Variants in THAP12 observed in about 807,000 individuals in gnomAD.
The protein encoded by THAP12 is THAP domain containing 12.
THAP12 carries 20 observed loss-of-function variants against 63.0 expected under a neutral mutation model. The observed-to-expected ratio is 0.32, with a 90% confidence interval of 0.22 to 0.46. THAP12 has a LOEUF of 0.46. Ranked by LOEUF, THAP12 falls within the 20% of genes least tolerant of loss-of-function variation. The pLI, the probability that THAP12 is intolerant of heterozygous loss-of-function variation, is 1.00. For missense variants in THAP12, 568 were observed against 908.2 expected, an observed-to-expected ratio of 0.63 and a Z score of 4.81; for synonymous variants, 264 against 328.4, an observed-to-expected ratio of 0.80 and a Z score of 2.12.
chr11:76,362,885 T>G (rs1430382352), intron 2 of THAP12, among the ~76,000 whole-genome samples: 1 of 152,236 alleles, frequency 6.6e-6, no homozygotes, highest in Non-Finnish European at 1.5e-5. Flanking sequence ...CTCACACCTG[T>G]AATTCCAACA....
chr11:76,356,633 T>C (rs1028155889), intron 3 of THAP12: 1 of 152,248 alleles, frequency 6.6e-6, no homozygotes, highest in Admixed American at 6.5e-5. Context: ...AGACTTTTTT[T>C]CTCATTCTTC....
At position 76,355,629 on chromosome 11, in the gene THAP12, T is replaced by C; in HGVS notation, c.344A>G (p.Lys115Arg). ...ELSEDEIRTL[K>R]QKKIDETSEQ... ...ACACTATCACTTACTTTTTTTCTGT[T>C]TCAGTGTCCTGATTTCATCTTCACT... Residue 115 changes from lysine (K) to arginine (R), a missense_variant, in exon 4 of 5, where the codon AAA becomes AGA. Transcript: ENST00000260045. The C allele has an allele frequency of 1.3e-6, 2 of 1,596,788 alleles. No individual in the cohort carries two copies.
At chr11:76,375,680 T>C (rs534057705) in intron 1 of THAP12, among the ~76,000 whole-genome samples, 1 of 139,658 alleles carries the variant, frequency 7.2e-6, no homozygotes, top group African/African-American at 2.7e-5. Context: ...ATGTTAGCAT[T>C]TGAAGACTAG....
At chr11:76,370,452 T>G (rs1682765081) in intron 1 of THAP12, among the ~76,000 whole-genome samples, 1 of 151,574 alleles carries the variant, frequency 6.6e-6, no homozygotes, top group South Asian at 2.1e-4. Context: ...AGCCTCCATC[T>G]CCTGGGTTCA....
At chr11:76,363,658 G>A (rs1348683936) in intron 2 of THAP12, among the ~76,000 whole-genome samples, 1 of 152,136 alleles carries the variant, frequency 6.6e-6, no homozygotes, top group Admixed American at 6.5e-5. Context: ...GCACAATCTT[G>A]GCTCACTGCA....
At chr11:76,375,230 G>A (rs1292454991) in intron 1 of THAP12, among the ~76,000 whole-genome samples, 1 of 152,094 alleles carries the variant, frequency 6.6e-6, no homozygotes, top group Non-Finnish European at 1.5e-5. Context: ...GCTGCCTGAG[G>A]AGGAAGAAGA....
chr11:76,369,120 G>T (rs1946652739), intron 1 of THAP12, among the ~76,000 whole-genome samples: 1 of 151,858 alleles, frequency 6.6e-6, no homozygotes, highest in Admixed American at 6.6e-5. Flanking sequence ...TATAAAAATG[G>T]CAATACATAG....
Position 76,365,974 on chromosome 11 carries a change from T to C in THAP12, c.90-2A>G, listed in dbSNP as rs749732995. The C allele has an allele frequency of 6.2e-7, 1 of 1,609,404 alleles. No homozygotes were observed. The highest frequency in any genetic ancestry group is 1.1e-5 in the South Asian group (1 of 89,930). ...CAGTTCTCCACCCACTTCTGGCATC[T>C]ATAAATAAAACCAAAATACAATTAT... On this transcript the variant is annotated splice_acceptor_variant, in intron 1 of 4. Transcript: ENST00000260045. LOFTEE classifies it high-confidence loss of function.
Position 76,380,782 on chromosome 11 carries a change from A to C in THAP12, c.55T>G (p.Leu19Val). The C allele has an allele frequency of 6.8e-7, 1 of 1,467,692 alleles. No individual in the cohort carries two copies. The highest frequency in any genetic ancestry group is 9.1e-7 in the Non-Finnish European group (1 of 1,104,366). 90.9% of individuals were successfully genotyped at this position (1,467,692 alleles called of 1,614,324 possible). Residue 19 changes from leucine to valine, a missense_variant, in exon 1 of 5, where the codon TTG becomes GTG. Leu to Val is a conservative substitution (Grantham distance 32). Coordinates refer to ENST00000260045, the MANE Select transcript of THAP12 (RefSeq NM_004705.4). ...TCCCGCGGGAACCTGAAGAAGGCCA[A>C]GTCGGACTGCGTGCTCTTCCGCGTG... Reference protein sequence around the residue: ...NCTRKSTQSDLAFFRFPRDPA... With the variant: ...NCTRKSTQSDVAFFRFPRDPA...
In THAP12 at chr11:76,350,842, A is replaced by C. The variant is rs981353500; in HGVS notation, c.*22T>G. 4 of 1,508,958 alleles carry C rather than the reference A, an allele frequency of 2.7e-6. No homozygotes were observed. The Admixed American group carries it at 7.1e-5, about 27-fold the overall frequency. 93.5% of individuals were successfully genotyped at this position (1,508,958 alleles called of 1,614,324 possible). The stretch of plus-strand genomic sequence containing the variant: ...TTTTCTTCCAAATATCAAATATAAG[A>C]AAGCCTATTTTTAAAAGTCTCTTAG... On this transcript the variant is annotated 3_prime_UTR_variant, in exon 5 of 5. Coordinates refer to ENST00000260045, the MANE Select transcript of THAP12 (RefSeq NM_004705.4).
Position 76,351,931 on chromosome 11 carries a change from C to T in THAP12, c.1219G>A (p.Val407Ile). The change falls in exon 5 of 5, where the codon GTT (valine) becomes ATT (isoleucine). Residue 407 changes from valine to isoleucine, a missense_variant. Transcript: ENST00000260045. ...CTTTCTTTACTGTTCTGAAAAAGAA[C>T]AGAAATTACGTTGTCAAGTTCTAAA... is the stretch of plus-strand genomic sequence containing the variant. ...LLLELDNVIS[V>I]LFQNSKERGK... 3 of 1,596,544 alleles carry T rather than the reference C, an allele frequency of 1.9e-6. No homozygotes were observed. The highest frequency in any genetic ancestry group is 1.1e-5 in the South Asian group (1 of 87,628).
intron 1 of THAP12, among the ~76,000 whole-genome samples, chr11:76,376,173 T>C (rs970016741): frequency 4.6e-5 from 7 of 152,226 alleles, no homozygotes; most frequent in Non-Finnish European, 7.3e-5. Flanking sequence ...CGCCACTGAA[T>C]TGCACACTTA....
intron 1 of THAP12, among the ~76,000 whole-genome samples, chr11:76,370,776 C>T (rs1946667653): frequency 6.7e-6 from 1 of 148,176 alleles, no homozygotes; most frequent in Non-Finnish European, 1.5e-5. Context: ...AGGCCAAGAT[C>T]GCACCACTGC....
intron 1 of THAP12, among the ~76,000 whole-genome samples, chr11:76,368,874 C>G (rs1012294931): frequency 4.6e-5 from 7 of 152,096 alleles, no homozygotes; most frequent in African/African-American, 1.7e-4. Context: ...AAGGCAACAG[C>G]ACAAATGCTA....
intron 2 of THAP12, among the ~76,000 whole-genome samples, chr11:76,362,228 C>A (rs1196294373): frequency 6.6e-6 from 1 of 152,216 alleles, no homozygotes; most frequent in Admixed American, 6.5e-5. Flanking sequence ...ATAAGACATA[C>A]TTCATTTAAA....
At chr11:76,355,069 C>G (rs1049587582) in intron 4 of THAP12, among the ~76,000 whole-genome samples, 17 of 152,126 alleles carry the variant, frequency 1.1e-4, no homozygotes, top group Admixed American at 1.1e-3. Flanking sequence ...TTAATAATAA[C>G]AGCAATAGGA....
chr11:76,351,838 C>G lies in THAP12; in HGVS notation c.1312G>C (p.Val438Leu). 2 of 1,599,796 alleles carry G rather than the reference C, an allele frequency of 1.3e-6. No homozygotes were observed. Among genetic ancestry groups the G allele is most frequent in the Non-Finnish European group, 1.7e-6 (2 of 1,172,884 alleles). Residue 438 changes from valine to leucine, a missense_variant, in exon 5 of 5, where the codon GTG becomes CTG. Transcript: ENST00000260045. ...AAAACAAGTGCTTGCAGGAGTTCCA[C>G]TAAAATTTCAAAAGCATCATGCCTG... Reference protein sequence around the residue: ...TGRHDAFEILVELLQALVLCL... With the variant: ...TGRHDAFEILLELLQALVLCL...
At chr11:76,377,759 G>A (rs1207277303) in intron 1 of THAP12, among the ~76,000 whole-genome samples, 1 of 152,198 alleles carries the variant, frequency 6.6e-6, no homozygotes, top group East Asian at 1.9e-4. Context: ...ATACGCCTAG[G>A]AATGGAATTG....
intron 2 of THAP12, among the ~76,000 whole-genome samples, chr11:76,363,641 T>G (rs1410454414): frequency 6.6e-6 from 1 of 152,224 alleles, no homozygotes; most frequent in African/African-American, 2.4e-5. Context: ...AAGGCTGAAG[T>G]GCAGTGGCAC....
Sources: gnomAD v4.1 joint callset for allele counts (sites outside exome capture counted in the v4.1 genomes callset) on GRCh38, gnomAD v4.1.1 for gene constraint, MANE v1.5 for transcripts, NCBI Gene and HGNC (gene_info 2026-07-23, HGNC 2026-07-21) for gene names.